Variants in VPS13A observed in about 807,000 individuals in gnomAD.
VPS13A encodes the protein intermembrane lipid transfer protein VPS13A.
A neutral mutation model predicts 390.9 loss-of-function variants in VPS13A; 264 were observed. The ratio of observed to expected loss-of-function variants is 0.68; its 90% CI spans 0.61 to 0.75. VPS13A has a LOEUF of 0.75. Among genes scored for constraint, VPS13A ranks in the 30% least tolerant of loss-of-function variants. The pLI, the probability that VPS13A is intolerant of heterozygous loss-of-function variation, is 0.00. For missense variants in VPS13A, 3,409 were observed against 3,733.9 expected, an observed-to-expected ratio of 0.91 and a Z score of 2.27; for synonymous variants, 1,231 against 1,227.1, an observed-to-expected ratio of 1.00 and a Z score of -0.07.
intron 45 of VPS13A, among the ~76,000 whole-genome samples, chr9:77,329,686 A>G (rs909213070): frequency 6.6e-6 from 1 of 152,210 alleles, no homozygotes; most frequent in African/African-American, 2.4e-5. Context: ...AATGGCACCA[A>G]TAGACTTGCT....
chr9:77,260,180 C>T lies in VPS13A; in HGVS notation c.2383C>T (p.Pro795Ser), dbSNP rs771670332. 3 of 1,613,136 alleles carry T rather than the reference C, an allele frequency of 1.9e-6. No homozygotes were observed. Among genetic ancestry groups the T allele is most frequent in the Non-Finnish European group, 2.5e-6 (3 of 1,179,516 alleles). The change falls in exon 23 of 72, where the codon CCT (proline) becomes TCT (serine). Residue 795 changes from proline to serine, a missense_variant. Pro to Ser is a moderately conservative substitution (Grantham distance 74). This residue lies in a region of VPS13A where 2,717 missense variants were observed against 2,917.4 expected (regional missense o/e 0.93). Transcript: ENST00000360280. ...GGAATTGATTGAAAGCATTCCAAAA[C>T]CTGAACCAGTAACTGAAGTATCTGC... ...IMELIESIPK[P>S]EPVTEVSAPV...
chr9:77,370,835 T>G, intron 65 of VPS13A, 55 bp from the exon 66 acceptor site: 1 of 1,608,834 alleles, frequency 6.2e-7, no homozygotes, highest in South Asian at 1.1e-5. Context: ...CAAACTTGGT[T>G]CTTCTAGGCA....
intron 68 of VPS13A, chr9:77,384,886 T>G: frequency 7.1e-7 from 1 of 1,409,922 alleles, no homozygotes; most frequent in Non-Finnish European, 9.2e-7. Context: ...AGGGAGGGCA[T>G]CCAACATATT....
At chr9:77,351,195 TTTTAA>T in intron 52 of VPS13A, 117 bp from the exon 53 acceptor site, 1 of 1,342,404 alleles carries the variant, frequency 7.4e-7, no homozygotes, top group African/African-American at 1.5e-5. Context: ...TTCAGCCTTG[TTTTAA>T]TCAGAACGAT....
At chr9:77,237,157 G>T (rs915209806) in intron 17 of VPS13A, among the ~76,000 whole-genome samples, 4 of 151,958 alleles carry the variant, frequency 2.6e-5, no homozygotes, top group South Asian at 2.1e-4. Flanking sequence ...CAAAGTGCTG[G>T]GATTACAGGC....
intron 31 of VPS13A, among the ~76,000 whole-genome samples, chr9:77,285,918 G>C (rs1827295446): frequency 6.6e-6 from 1 of 152,048 alleles, no homozygotes; most frequent in South Asian, 2.1e-4. Flanking sequence ...TATTTATTCT[G>C]TACAATTTTC....
At chr9:77,177,840 G>T (rs1275098642) in intron 1 of VPS13A, 36 bp downstream of exon 1, 1 of 1,573,086 alleles carries the variant, frequency 6.4e-7, no homozygotes, top group South Asian at 1.1e-5. Flanking sequence ...CCGGCCTCTC[G>T]TGCTTCCCGG....
chr9:77,235,197 T>C (rs1191374964), intron 17 of VPS13A, among the ~76,000 whole-genome samples: 3 of 152,230 alleles, frequency 2.0e-5, no homozygotes, highest in Non-Finnish European at 4.4e-5. Context: ...TTGCAGTCTT[T>C]AGGACTTCCT....
At chr9:77,268,136 C>T (rs891628813) in intron 23 of VPS13A, among the ~76,000 whole-genome samples, 26 of 152,224 alleles carry the variant, frequency 1.7e-4, no homozygotes, top group Non-Finnish European at 2.9e-4. Context: ...CTGGCTTCAG[C>T]CCCCTTTCCA....
intron 29 of VPS13A, among the ~76,000 whole-genome samples, chr9:77,282,701 C>T (rs574184168): frequency 1.3e-5 from 2 of 152,092 alleles, no homozygotes; most frequent in Non-Finnish European, 2.9e-5. Flanking sequence ...GGGAGGTGAG[C>T]GCTGTGGGGA....
Position 77,356,883 on chromosome 9 carries a change from A to G in VPS13A, c.7806+16A>G, listed in dbSNP as rs553781833. 1 of 1,613,030 alleles carries G rather than the reference A, an allele frequency of 6.2e-7. No homozygotes were observed. The highest frequency in any genetic ancestry group is 1.3e-5 in the African/African-American group (1 of 75,034). ...TAATGTTCCGGTAATATTTTTAAGT[A>G]CTGATGTGAAGTTTTAATTTTTTGC... On this transcript the variant is annotated intron_variant, in intron 55 of 71. Coordinates refer to ENST00000360280, the MANE Select transcript of VPS13A (RefSeq NM_033305.3).
intron 1 of VPS13A, among the ~76,000 whole-genome samples, chr9:77,192,272 A>G (rs992662452): frequency 5.3e-5 from 8 of 152,118 alleles, no homozygotes; most frequent in South Asian, 4.1e-4. Context: ...ACAACATACA[A>G]TTGGTTCTTG....
Position 77,260,240 on chromosome 9 carries a change from A to G in VPS13A, c.2427+16A>G. 6.2e-7 allele frequency: 1 copy of G among 1,610,620 alleles called. No homozygotes were observed. Among genetic ancestry groups the G allele is most frequent in the Non-Finnish European group, 8.5e-7 (1 of 1,177,626 alleles). ...ATCATTCCAGGTAATGTTACTTTCAAAATTAATATAAGCATGAATTAAGAA... is the reference window on the plus strand; with the variant it reads ...ATCATTCCAGGTAATGTTACTTTCAGAATTAATATAAGCATGAATTAAGAA... On this transcript the variant is annotated intron_variant, in intron 23 of 71. Coordinates refer to ENST00000360280, the MANE Select transcript of VPS13A (RefSeq NM_033305.3).
chr9:77,247,810 G>A lies in VPS13A; in HGVS notation c.2037+415G>A, dbSNP rs189564745. Among the ~76,000 whole-genome samples the A allele has an allele frequency of 4.8e-3, 725 of 152,158 alleles. 9 individuals are homozygous for A. Among genetic ancestry groups the A allele is most frequent in the African/African-American group, 0.017 (696 of 41,524 alleles). ...TGAGTATCTGGGATTACATGTGCCC[G>A]CCACCACGCCCACCTAATTTTTGTA... On this transcript the variant is annotated intron_variant, in intron 20 of 71. Transcript: ENST00000360280.
intron 26 of VPS13A, among the ~76,000 whole-genome samples, chr9:77,278,552 T>C (rs1826830612): frequency 6.6e-6 from 1 of 152,112 alleles, no homozygotes; most frequent in South Asian, 2.1e-4. Flanking sequence ...AAATGATCAG[T>C]AAATGGTTCA....
Position 77,321,200 on chromosome 9 carries a change from A to G in VPS13A, c.5447A>G (p.Glu1816Gly), listed in dbSNP as rs1375465430. 1.2e-5 allele frequency: 20 copies of G among 1,612,524 alleles called. No homozygotes were observed. Among genetic ancestry groups the G allele is most frequent in the African/African-American group, 2.7e-5 (2 of 74,860 alleles). ...AAGAAAGCAAAAATGGCCATTGTTG[A>G]GTCAGATCCTGAAGAAGAAAACTAC... is the stretch of plus-strand genomic sequence containing the variant. ...MKKKAKMAIV[E>G]SDPEEENYKV... The change falls in exon 43 of 72, where the codon GAG (glutamate) becomes GGG (glycine). Residue 1816 changes from glutamate to glycine, a missense_variant. Glu to Gly is a moderately conservative substitution (Grantham distance 98). Around this residue, in one of 5 missense-constraint regions of VPS13A, gnomAD observed 2,717 missense variants for 2,917.4 expected, o/e 0.93. Transcript: ENST00000360280.
chr9:77,381,390 A>G (rs960897696), intron 67 of VPS13A, among the ~76,000 whole-genome samples: 6 of 152,192 alleles, frequency 3.9e-5, no homozygotes, highest in South Asian at 2.1e-4. Flanking sequence ...GAGTATTTGA[A>G]TATTAGAAAA....
intron 65 of VPS13A, 149 bp downstream of exon 65, chr9:77,370,727 C>A: frequency 1.5e-6 from 2 of 1,328,020 alleles, no homozygotes; most frequent in African/African-American, 4.2e-5. Flanking sequence ...TAAAACATGT[C>A]AGTAGCCTCT....
At chr9:77,265,603 C>A (rs1825994233) in intron 23 of VPS13A, among the ~76,000 whole-genome samples, 1 of 152,140 alleles carries the variant, frequency 6.6e-6, no homozygotes, top group South Asian at 2.1e-4. Context: ...TTATAGTATT[C>A]TCTGATAGTA....
Sources: allele counts gnomAD v4.1 joint callset (sites outside exome capture counted in the v4.1 genomes callset), GRCh38; gene constraint gnomAD v4.1.1; regional missense constraint gnomAD v4.1.1; transcripts MANE v1.5; gene names NCBI Gene and HGNC (gene_info 2026-07-23, HGNC 2026-07-21).